The following SRGAP2 variants were observed in gnomAD, a reference collection of about 807,000 sequenced individuals.
The protein encoded by SRGAP2 is SLIT-ROBO Rho GTPase-activating protein 2.
In SRGAP2, 15 loss-of-function variants were observed where a neutral mutation model predicts 57.2. The observed-to-expected ratio is 0.26, with a 90% CI of 0.18 to 0.40. The LOEUF is 0.40. Among genes scored for constraint, SRGAP2 ranks in the 10% least tolerant of loss-of-function variants. The pLI, the probability that SRGAP2 is intolerant of heterozygous loss-of-function variation, is 1.00. For missense variants in SRGAP2, 520 were observed against 669.6 expected, an observed-to-expected ratio of 0.78 and a Z score of 2.47; for synonymous variants, 249 against 248.0, an observed-to-expected ratio of 1.00 and a Z score of -0.04.
intron 2 of SRGAP2, among the ~76,000 whole-genome samples, chr1:206,231,604 CT>C (rs1356205896): frequency 4.0e-5 from 6 of 149,072 alleles, no homozygotes; most frequent in Admixed American, 6.7e-5. Context: ...ATGGCGTGAT[CT>C]CAGCTCACTG....
intron 16 of SRGAP2, among the ~76,000 whole-genome samples, chr1:206,438,697 T>A (rs2103325914): frequency 6.6e-6 from 1 of 152,358 alleles, no homozygotes; most frequent in African/African-American, 2.4e-5. Flanking sequence ...TGGAACACCC[T>A]CTCATTTGTT....
intron 2 of SRGAP2, among the ~76,000 whole-genome samples, chr1:206,266,404 C>T (rs1446522731): frequency 1.7e-4 from 26 of 152,036 alleles, no homozygotes; most frequent in East Asian, 3.9e-4. Context: ...CCACCACGCC[C>T]GGCTAATGTT....
rs557679765 is a variant in SRGAP2 at position 206,239,718 on chromosome 1, G to A, written c.67+33681G>A. The stretch of plus-strand genomic sequence containing the variant: ...GGTGATCTGACTGCCTCAGCCTCCC[G>A]AAGTGCTGGGAATTACAGGCATAAG... On this transcript the variant is annotated intron_variant, in intron 2 of 22. Transcript: ENST00000573034. 1.8e-4 allele frequency among the ~76,000 whole-genome samples: 27 copies of A among 151,236 alleles called. No individual in the cohort carries two copies. In the East Asian group the frequency reaches 3.8e-3, roughly 21 times the overall value.
chr1:206,444,585 A>G (rs1662590782), intron 17 of SRGAP2, among the ~76,000 whole-genome samples: 1 of 152,198 alleles, frequency 6.6e-6, no homozygotes. Flanking sequence ...CCAGCCTTGG[A>G]TTAGCTACAG....
rs562295426 is a variant in SRGAP2, at chr1:206,414,353, T to C, written c.1357-1536T>C. Among the ~76,000 whole-genome samples, 22 of 152,314 alleles carry C rather than the reference T, an allele frequency of 1.4e-4. 1 individual carries two copies. Among genetic ancestry groups the C allele is most frequent in the African/African-American group, 5.3e-4 (22 of 41,576 alleles). On this transcript the variant is annotated intron_variant, in intron 10 of 22. Transcript: ENST00000573034. ...CACCTGGCTCTGTTCACCTTCTCTT[T>C]CTATCACTCTTAATCCTAAGTGGCA...
intron 2 of SRGAP2, among the ~76,000 whole-genome samples, chr1:206,272,747 A>G (rs1670195469): frequency 6.6e-6 from 1 of 152,176 alleles, no homozygotes. Context: ...ACATTAATGC[A>G]TAGGAAATCC....
chr1:206,441,753 C>A (rs572604900), intron 17 of SRGAP2, among the ~76,000 whole-genome samples: 10 of 152,310 alleles, frequency 6.6e-5, no homozygotes, highest in African/African-American at 2.4e-4. Context: ...TCCCTGGTGG[C>A]AGCAATTCCC....
At chr1:206,398,766 A>G (rs1657862894) in intron 7 of SRGAP2, among the ~76,000 whole-genome samples, 1 of 152,204 alleles carries the variant, frequency 6.6e-6, no homozygotes, top group Non-Finnish European at 1.5e-5. Context: ...TTGTCATATG[A>G]AAGCTGTAGA....
chr1:206,361,631 ACGTGT>A (rs1676931472), intron 4 of SRGAP2, among the ~76,000 whole-genome samples: 1 of 148,040 alleles, frequency 6.8e-6, no homozygotes, highest in African/African-American at 2.5e-5. Flanking sequence ...TAAATGCAGG[ACGTGT>A]TGACTGATAA....
chr1:206,302,259 T>C (rs1481334815), intron 2 of SRGAP2, among the ~76,000 whole-genome samples: 1 of 143,544 alleles, frequency 7.0e-6, no homozygotes, highest in African/African-American at 2.7e-5. Context: ...CTGCAAGCCT[T>C]CTCTGAGCTG....
chr1:206,208,830 G>A (rs1204544840), intron 2 of SRGAP2, among the ~76,000 whole-genome samples: 2 of 152,006 alleles, frequency 1.3e-5, no homozygotes, highest in African/African-American at 4.8e-5. Flanking sequence ...TGGTTGTTAA[G>A]TGCAATTTTT....
intron 3 of SRGAP2, among the ~76,000 whole-genome samples, chr1:206,327,831 A>G (rs1216450117): frequency 9.8e-6 from 1 of 101,978 alleles, no homozygotes; most frequent in East Asian, 3.2e-4. Context: ...TAATACTTTA[A>G]GTTTTAGGGT....
chr1:206,418,990 C>T (rs1430307801), intron 11 of SRGAP2, among the ~76,000 whole-genome samples: 4 of 150,136 alleles, frequency 2.7e-5, no homozygotes, highest in African/African-American at 7.3e-5. Flanking sequence ...ACACATCCAA[C>T]ATAAGAGAAG....
chr1:206,309,859 G>T (rs1421453217), intron 3 of SRGAP2, among the ~76,000 whole-genome samples: 6 of 151,128 alleles, frequency 4.0e-5, no homozygotes, highest in African/African-American at 1.2e-4. Context: ...GGAGAACAAA[G>T]AACTAAATCC....
chr1:206,450,307 C>T (rs1663150698), intron 18 of SRGAP2, 79 bp from the exon 19 acceptor site: 1 of 742,766 alleles, frequency 1.3e-6, no homozygotes, highest in East Asian at 2.5e-5. Flanking sequence ...GCCCTCGCGC[C>T]AGGGAGGCTG....
Position 206,430,797 on chromosome 1 carries a change from T to C in SRGAP2, c.1555+575T>C, listed in dbSNP as rs560182977. On this transcript the variant is annotated intron_variant, in intron 14 of 22. Coordinates refer to ENST00000573034, the MANE Select transcript of SRGAP2 (RefSeq NM_015326.5). Reference sequence around the variant, plus strand: ...CAGCCTAGGTGAAATCATACTCTCTTCTACTTGGATGAAGCTGAATCTTAT... The same window carrying C: ...CAGCCTAGGTGAAATCATACTCTCTCCTACTTGGATGAAGCTGAATCTTAT... 2.0e-5 allele frequency among the ~76,000 whole-genome samples: 3 copies of C among 152,320 alleles called. No individual in the cohort carries two copies. In the East Asian group the frequency reaches 5.8e-4, roughly 29 times the overall value.
chr1:206,210,836 C>T (rs1168080829), intron 2 of SRGAP2, among the ~76,000 whole-genome samples: 3 of 150,846 alleles, frequency 2.0e-5, no homozygotes, highest in Non-Finnish European at 3.0e-5. Flanking sequence ...AATCCTCAAG[C>T]AGATGCTATC....
intron 3 of SRGAP2, among the ~76,000 whole-genome samples, chr1:206,339,178 A>G (rs1475957856): frequency 5.3e-5 from 8 of 150,392 alleles, no homozygotes; most frequent in Non-Finnish European, 1.0e-4. Flanking sequence ...TCCCCTTCAT[A>G]AATATTAATT....
At chr1:206,370,700 A>G (rs1654461476) in intron 4 of SRGAP2, among the ~76,000 whole-genome samples, 2 of 152,214 alleles carry the variant, frequency 1.3e-5, no homozygotes, top group Admixed American at 6.5e-5. Context: ...AAATATACTA[A>G]TAGCCACTGA....
Sources: allele counts gnomAD v4.1 joint callset (sites outside exome capture counted in the v4.1 genomes callset), GRCh38; gene constraint gnomAD v4.1.1; transcripts MANE v1.5; gene names NCBI Gene and HGNC (gene_info 2026-07-23, HGNC 2026-07-21).